The following TINAG variants were observed in gnomAD, a reference collection of about 807,000 sequenced individuals.
TINAG encodes the protein tubulointerstitial nephritis antigen.
A neutral mutation model predicts 72.7 loss-of-function variants in TINAG; 83 were observed. That is an observed-to-expected ratio of 1.14 (90% CI 0.96 to 1.37). The LOEUF (loss-of-function observed/expected upper bound fraction) is 1.37, where lower values mean the gene tolerates loss of function less well. Ranked by LOEUF, TINAG falls within the 40% of genes most tolerant of loss-of-function variation. The pLI is 0.00. For synonymous variants in TINAG, 234 were observed against 189.9 expected (o/e 1.23, Z -1.91); for missense variants, 685 against 576.6 (o/e 1.19, Z -1.93).
chr6:54,363,490 G>C (rs1413910223), intron 9 of TINAG, among the ~76,000 whole-genome samples: 4 of 151,240 alleles, frequency 2.6e-5, no homozygotes, highest in Non-Finnish European at 4.4e-5. Flanking sequence ...TGGTGAAGGA[G>C]AAGTCAAGAG....
In TINAG at chr6:54,344,969, T is replaced by C. The variant is rs1230905388; in HGVS notation, c.748+1620T>C. On this transcript the variant is annotated intron_variant, in intron 5 of 10. Coordinates refer to ENST00000259782, the MANE Select transcript of TINAG (RefSeq NM_014464.4). ...TATCTCTCAGAGAAACTAAAAGCTATACAATTGAATAAATAAGACTTAAAA... is the reference window on the plus strand; with the variant it reads ...TATCTCTCAGAGAAACTAAAAGCTACACAATTGAATAAATAAGACTTAAAA... Among the ~76,000 whole-genome samples the C allele has an allele frequency of 2.0e-5, 3 of 152,264 alleles. No individual in the cohort carries two copies. In the East Asian group the frequency reaches 5.8e-4, roughly 29 times the overall value.
intron 9 of TINAG, among the ~76,000 whole-genome samples, chr6:54,373,081 C>G (rs1277785570): frequency 6.6e-6 from 1 of 152,094 alleles, no homozygotes; most frequent in Admixed American, 6.6e-5. Context: ...CCATTCCCAT[C>G]AATGTAACAA....
rs753282275 is a variant in TINAG, at chr6:54,349,896, C to T, written c.1080C>T (p.Asn360=). 7.8e-6 allele frequency: 12 copies of T among 1,544,444 alleles called. No homozygotes were observed. The highest frequency in any genetic ancestry group is 5.4e-5 in the Admixed American group (3 of 55,272). ...QCSPPYRVSS[N]ETEIMKEIMQ... ...CTCCTCCATACAGAGTCTCTTCCAACGTAAGTATAAATGGCAAGAATCAAG... is the reference window on the plus strand; with the variant it reads ...CTCCTCCATACAGAGTCTCTTCCAATGTAAGTATAAATGGCAAGAATCAAG... The change falls in exon 7 of 11, where the codon AAC becomes AAT. Residue 360 remains asparagine (N), a splice_region_variant and synonymous_variant. Transcript: ENST00000259782.
At chr6:54,379,804 A>G (rs1340153739) in intron 9 of TINAG, among the ~76,000 whole-genome samples, 1 of 151,852 alleles carries the variant, frequency 6.6e-6, no homozygotes, top group Non-Finnish European at 1.5e-5. Context: ...ATTATACTTC[A>G]AGTACTGGGG....
intron 3 of TINAG, among the ~76,000 whole-genome samples, chr6:54,323,345 C>T (rs2150938050): frequency 6.6e-6 from 1 of 152,208 alleles, no homozygotes; most frequent in South Asian, 2.1e-4. Context: ...GGGGGGAAGT[C>T]TTTAAATTTA....
At chr6:54,360,140 TA>T (rs1359715726) in intron 9 of TINAG, among the ~76,000 whole-genome samples, 1 of 151,666 alleles carries the variant, frequency 6.6e-6, no homozygotes, top group Non-Finnish European at 1.5e-5. Flanking sequence ...CATAAGGTGA[TA>T]AAGGCTATAT....
chr6:54,310,955 C>A (rs1784242646), intron 1 of TINAG, among the ~76,000 whole-genome samples: 1 of 147,212 alleles, frequency 6.8e-6, no homozygotes, highest in African/African-American at 2.5e-5. Context: ...CTCTCTCTTT[C>A]TCTTCTTTCC....
In TINAG at chr6:54,317,241, GCT is replaced by G. The variant is rs71700810; in HGVS notation, c.356-3331_356-3330del. Among the ~76,000 whole-genome samples the G allele has an allele frequency of 2.0e-3, 307 of 151,822 alleles. 2 individuals carry two copies. The highest frequency in any genetic ancestry group is 7.1e-3 in the African/African-American group (293 of 41,394). On this transcript the variant is annotated intron_variant, in intron 1 of 10. Coordinates refer to ENST00000259782, the MANE Select transcript of TINAG (RefSeq NM_014464.4). Reference sequence around the variant, plus strand: ...CTCTACCATTCTCTCTCGCTTTCTTGCTCTCTCTTTCTTCTCAAGCATCATTT... The same window carrying G: ...CTCTACCATTCTCTCTCGCTTTCTTGCTCTCTTTCTTCTCAAGCATCATTT...
chr6:54,325,658 A>G (rs6902775), intron 3 of TINAG, among the ~76,000 whole-genome samples: 85,530 of 151,960 alleles, frequency 0.56, 24,322 homozygotes, highest in East Asian at 0.74. Flanking sequence ...GAATTAAATA[A>G]CCTATGAATG....
At chr6:54,309,527 T>C (rs1349691939) in intron 1 of TINAG, among the ~76,000 whole-genome samples, 1 of 152,236 alleles carries the variant, frequency 6.6e-6, no homozygotes, top group East Asian at 1.9e-4. Flanking sequence ...GAAGGCTTCA[T>C]ATAGACTGGT....
intron 9 of TINAG, among the ~76,000 whole-genome samples, chr6:54,374,673 C>G (rs1444048851): frequency 6.6e-6 from 1 of 152,066 alleles, no homozygotes; most frequent in African/African-American, 2.4e-5. Flanking sequence ...AGTCTTACCT[C>G]TGAAAGCAAA....
chr6:54,319,650 A>G (rs909424064), intron 1 of TINAG, among the ~76,000 whole-genome samples: 3 of 152,160 alleles, frequency 2.0e-5, no homozygotes, highest in Non-Finnish European at 4.4e-5. Flanking sequence ...GCTTTGTAAC[A>G]TTATGGCTAG....
At chr6:54,317,681 A>T (rs1004288474) in intron 1 of TINAG, among the ~76,000 whole-genome samples, 1 of 152,144 alleles carries the variant, frequency 6.6e-6, no homozygotes, top group East Asian at 1.9e-4. Context: ...AATTTCCAAA[A>T]TGTGTTTTTG....
At chr6:54,310,998 C>T (rs1784243529) in intron 1 of TINAG, among the ~76,000 whole-genome samples, 1 of 149,044 alleles carries the variant, frequency 6.7e-6, no homozygotes, top group South Asian at 2.1e-4. Context: ...TCTCCCTTTC[C>T]TTTCTATTCC....
chr6:54,315,457 C>G (rs1439489476), intron 1 of TINAG, among the ~76,000 whole-genome samples: 1 of 151,706 alleles, frequency 6.6e-6, no homozygotes. Flanking sequence ...CTCTTGACGG[C>G]CAAGAGTTTA....
At chr6:54,326,979 T>C (rs1784619313) in intron 4 of TINAG, 63 bp downstream of exon 4, 18 of 1,600,712 alleles carry the variant, frequency 1.1e-5, no homozygotes, top group Non-Finnish European at 1.5e-5. Flanking sequence ...GTGTGTGCAT[T>C]AAAAGCAATT....
chr6:54,349,435 A>G (rs1785208016), intron 6 of TINAG, among the ~76,000 whole-genome samples: 1 of 152,032 alleles, frequency 6.6e-6, no homozygotes, highest in Non-Finnish European at 1.5e-5. Flanking sequence ...TAATATTGAC[A>G]GCCATTTTTT....
At position 54,308,857 on chromosome 6, in the gene TINAG, C is replaced by T. The variant is rs764469321; in HGVS notation, c.307C>T (p.Arg103Cys). 1.1e-5 allele frequency: 17 copies of T among 1,613,352 alleles called. No homozygotes were observed. The highest frequency in any genetic ancestry group is 1.7e-5 in the Admixed American group (1 of 59,918). The stretch of plus-strand genomic sequence containing the variant: ...CTGTCCTGACTACAAGTCCTTTTGC[C>T]GTGAAGAGAAAGAATGGCCTCCTCA... ...DCCPDYKSFCREEKEWPPHTQ... is the reference protein window; with the variant it reads ...DCCPDYKSFCCEEKEWPPHTQ... The change falls in exon 1 of 11, where the codon CGT becomes TGT. Residue 103 changes from arginine to cysteine, a missense_variant. Transcript: ENST00000259782.
chr6:54,308,946 A>T (rs769053930), intron 1 of TINAG, 41 bp downstream of exon 1: 1 of 1,478,528 alleles, frequency 6.8e-7, no homozygotes, highest in East Asian at 2.3e-5. Flanking sequence ...CCTCGTTCAT[A>T]ACAACAAGAT....
Sources: gnomAD v4.1 joint callset for allele counts (sites outside exome capture counted in the v4.1 genomes callset) on GRCh38, gnomAD v4.1.1 for gene constraint, MANE v1.5 for transcripts, NCBI Gene and HGNC (gene_info 2026-07-23, HGNC 2026-07-21) for gene names.